The following SEMA6A variants were observed in gnomAD, a reference collection of about 807,000 sequenced individuals.
SEMA6A encodes semaphorin-6A.
SEMA6A carries 25 observed loss-of-function variants against 96.8 expected under a neutral mutation model. The ratio of observed to expected loss-of-function variants is 0.26; its 90% CI spans 0.19 to 0.36. SEMA6A has a LOEUF of 0.36. Among genes scored for constraint, SEMA6A ranks in the 10% least tolerant of loss-of-function variants. The probability of loss-of-function intolerance (pLI) is 1.00; values close to 1 mark genes in which losing one functional copy is unlikely to be tolerated. For synonymous variants in SEMA6A, 612 were observed against 518.0 expected (o/e 1.18, Z -2.46); for missense variants, 1,363 against 1,323.1 (o/e 1.03, Z -0.47).
At chr5:116,512,194 G>A (rs937929433) in intron 1 of SEMA6A, among the ~76,000 whole-genome samples, 2 of 152,148 alleles carry the variant, frequency 1.3e-5, no homozygotes, top group Non-Finnish European at 2.9e-5. Context: ...ACATCCCATC[G>A]TAATTAGAAA....
chr5:116,505,828 C>T (rs1274573875), intron 1 of SEMA6A, among the ~76,000 whole-genome samples: 1 of 151,496 alleles, frequency 6.6e-6, no homozygotes, highest in African/African-American at 2.4e-5. Context: ...GAAAAATTCT[C>T]CTAAATCTTG....
intron 1 of SEMA6A, among the ~76,000 whole-genome samples, chr5:116,561,071 C>T (rs924328675): frequency 2.6e-5 from 4 of 152,270 alleles, no homozygotes; most frequent in East Asian, 1.9e-4. Flanking sequence ...ACCTTGTCCA[C>T]ACCCTTCCCT....
chr5:116,521,511 G>C (rs80292630), intron 1 of SEMA6A, among the ~76,000 whole-genome samples: 1,952 of 152,328 alleles, frequency 0.013, 48 homozygotes, highest in African/African-American at 0.044. Flanking sequence ...CTGCAGACAA[G>C]TCATGGGTGG....
intron 1 of SEMA6A, among the ~76,000 whole-genome samples, chr5:116,570,978 C>A (rs951827561): frequency 6.6e-6 from 1 of 152,208 alleles, no homozygotes; most frequent in African/African-American, 2.4e-5. Flanking sequence ...ACTCAAAATA[C>A]AACTGCTATA....
rs1162035970 is a variant in SEMA6A at position 116,574,364 on chromosome 5, A to C, written c.-218T>G. The C allele has an allele frequency of 6.6e-6, 1 of 152,038 alleles. No individual in the cohort carries two copies. Among genetic ancestry groups the C allele is most frequent in the Non-Finnish European group, 1.5e-5 (1 of 67,886 alleles). The allele number at this position is 152,038 out of a possible 1,614,324, so 9.4% of individuals were successfully genotyped here. A position where few individuals can be genotyped will look rare whatever the true frequency, so the allele number is the denominator to read the frequency against. On this transcript the variant is annotated 5_prime_UTR_variant, in exon 1 of 19. Transcript: ENST00000343348. The stretch of plus-strand genomic sequence containing the variant: ...CTCTTTGGGGGAAATAGTCGCGGCG[A>C]CTACTTTCTGGGATGCAAACGCGAT...
At chr5:116,448,778 A>AAAAC (rs1355198127) in intron 18 of SEMA6A, among the ~76,000 whole-genome samples, 20 of 146,130 alleles carry the variant, frequency 1.4e-4, no homozygotes, top group Non-Finnish European at 2.3e-4. Context: ...AAAAAAAAAC[A>AAAAC]GTGCAAACTC....
chr5:116,468,018 C>T (rs562389041), intron 17 of SEMA6A: 2 of 424,962 alleles, frequency 4.7e-6, no homozygotes, highest in East Asian at 4.2e-5. Flanking sequence ...AATCACTTAA[C>T]CTCTTCCTGT....
chr5:116,479,126 C>G (rs771481020), intron 12 of SEMA6A, among the ~76,000 whole-genome samples: 1 of 152,214 alleles, frequency 6.6e-6, no homozygotes, highest in Non-Finnish European at 1.5e-5. Context: ...ACTGCGATTT[C>G]TCCATACTCT....
chr5:116,476,072 G>C (rs868349076), intron 15 of SEMA6A, among the ~76,000 whole-genome samples: 2 of 152,126 alleles, frequency 1.3e-5, no homozygotes, highest in African/African-American at 2.4e-5. Context: ...GGACGATAAA[G>C]TGTTCAAAGG....
At chr5:116,504,747 AC>A (rs1758060406) in intron 2 of SEMA6A, 97 bp downstream of exon 2, 1 of 916,692 alleles carries the variant, frequency 1.1e-6, no homozygotes, top group South Asian at 1.5e-5. Context: ...CTAATAAGTC[AC>A]CTATTCTATT....
chr5:116,454,406 A>G (rs1262760852), intron 18 of SEMA6A, among the ~76,000 whole-genome samples: 2 of 152,124 alleles, frequency 1.3e-5, no homozygotes, highest in Non-Finnish European at 1.5e-5. Context: ...CTAACAGCCC[A>G]ATTTTTCTTG....
intron 1 of SEMA6A, among the ~76,000 whole-genome samples, chr5:116,510,641 G>A (rs930092952): frequency 1.3e-5 from 2 of 151,952 alleles, no homozygotes; most frequent in Non-Finnish European, 2.9e-5. Flanking sequence ...AAATTCTCGG[G>A]GAGGTCCTAG....
At position 116,446,430 on chromosome 5, in the gene SEMA6A, C is replaced by A. The variant is rs1290923846; in HGVS notation, c.*183G>T. 5.9e-6 allele frequency: 3 copies of A among 508,732 alleles called. No homozygotes were observed. The East Asian group carries it at 9.2e-5, about 16-fold the overall frequency. 31.5% of individuals were successfully genotyped at this position (508,732 alleles called of 1,614,324 possible). A position where few individuals can be genotyped will look rare whatever the true frequency, so the allele number is the denominator to read the frequency against. ...GAGTCCCCGCCGTTGCAAACCTTCACCAAACCACGCGGCCCAGTTTTCGTG... is the reference window on the plus strand; with the variant it reads ...GAGTCCCCGCCGTTGCAAACCTTCAACAAACCACGCGGCCCAGTTTTCGTG... On this transcript the variant is annotated 3_prime_UTR_variant, in exon 19 of 19. Coordinates refer to ENST00000343348, the MANE Select transcript of SEMA6A (RefSeq NM_020796.5).
chr5:116,550,951 G>C (rs1276421812), intron 1 of SEMA6A, among the ~76,000 whole-genome samples: 1 of 152,134 alleles, frequency 6.6e-6, no homozygotes, highest in Non-Finnish European at 1.5e-5. Flanking sequence ...TCACTCTGAA[G>C]GATAGGAATC....
intron 1 of SEMA6A, among the ~76,000 whole-genome samples, chr5:116,520,862 T>G (rs1758913855): frequency 6.6e-6 from 1 of 152,100 alleles, no homozygotes; most frequent in Non-Finnish European, 1.5e-5. Flanking sequence ...TCCTCCCACG[T>G]AGTGAGGAAG....
chr5:116,446,840 C>A lies in SEMA6A; in HGVS notation c.2866G>T (p.Gly956Ter). ...HLSRNQSFGRGDNPPPAPQRV... is the reference protein window; with the variant it reads ...HLSRNQSFGR ...TGCGGGGCGGGCGGCGGGTTGTCTCCCCTGCCAAAGCTCTGGTTTCTGGAG... is the reference window on the plus strand; with the variant it reads ...TGCGGGGCGGGCGGCGGGTTGTCTCACCTGCCAAAGCTCTGGTTTCTGGAG... The change falls in exon 19 of 19, where the codon GGA becomes TGA. Residue 956 changes from glycine (G) to a stop codon, truncating the protein, a stop_gained. Coordinates refer to ENST00000343348, the MANE Select transcript of SEMA6A (RefSeq NM_020796.5). LOFTEE classifies it high-confidence loss of function. The A allele has an allele frequency of 6.2e-7, 1 of 1,613,938 alleles. No homozygotes were observed. Among genetic ancestry groups the A allele is most frequent in the South Asian group, 1.1e-5 (1 of 91,084 alleles).
intron 1 of SEMA6A, among the ~76,000 whole-genome samples, chr5:116,540,096 G>C (rs1435848963): frequency 2.0e-5 from 3 of 151,876 alleles, no homozygotes; most frequent in Non-Finnish European, 2.9e-5. Context: ...TCCACTGGTT[G>C]GTTATGTAAA....
intron 1 of SEMA6A, among the ~76,000 whole-genome samples, chr5:116,548,236 G>C (rs1266295040): frequency 6.6e-6 from 1 of 152,094 alleles, no homozygotes. Flanking sequence ...TGTTTCCAGG[G>C]AAGGCTATCA....
intron 18 of SEMA6A, among the ~76,000 whole-genome samples, chr5:116,462,927 T>A (rs959216508): frequency 6.6e-6 from 1 of 152,228 alleles, no homozygotes; most frequent in African/African-American, 2.4e-5. Flanking sequence ...CATTATTTAC[T>A]TAATATTCTA....
Sources: gnomAD v4.1 joint callset for allele counts (sites outside exome capture counted in the v4.1 genomes callset) on GRCh38, gnomAD v4.1.1 for gene constraint, MANE v1.5 for transcripts, NCBI Gene and HGNC (gene_info 2026-07-23, HGNC 2026-07-21) for gene names.